ANO10: variants seen among roughly 807,000 people sequenced by gnomAD.
ANO10 encodes anoctamin-10.
Under a neutral mutation model 74.7 loss-of-function variants are expected in ANO10, and 77 were observed. The ratio of observed to expected loss-of-function variants is 1.03; its 90% CI spans 0.86 to 1.25. The LOEUF (loss-of-function observed/expected upper bound fraction) is 1.25. Ranked by LOEUF, ANO10 falls within the 50% of genes most tolerant of loss-of-function variation. The pLI, the probability that ANO10 is intolerant of heterozygous loss-of-function variation, is 0.00. For missense variants in ANO10, 721 were observed against 778.1 expected, an observed-to-expected ratio of 0.93 and a Z score of 0.87; for synonymous variants, 279 against 284.9, an observed-to-expected ratio of 0.98 and a Z score of 0.21.
At chr3:43,379,480 A>G (rs2091900351) in intron 12 of ANO10, among the ~76,000 whole-genome samples, 1 of 152,214 alleles carries the variant, frequency 6.6e-6, no homozygotes, top group Non-Finnish European at 1.5e-5. Flanking sequence ...TCCAAGAACT[A>G]CTGCAGGAAC....
chr3:43,390,636 C>T (rs909376829), intron 12 of ANO10, among the ~76,000 whole-genome samples: 7 of 152,160 alleles, frequency 4.6e-5, no homozygotes, highest in Non-Finnish European at 7.3e-5. Flanking sequence ...TGTTGGTCTC[C>T]CCATATCTGA....
chr3:43,495,732 ACT>A (rs1003336765), intron 11 of ANO10, among the ~76,000 whole-genome samples: 18 of 151,702 alleles, frequency 1.2e-4, no homozygotes, highest in African/African-American at 4.4e-4. Context: ...ATGGAGTCTC[ACT>A]CTGTCCCCCA....
chr3:43,370,762 A>G (rs562804750), intron 12 of ANO10, among the ~76,000 whole-genome samples: 1 of 152,268 alleles, frequency 6.6e-6, no homozygotes, highest in African/African-American at 2.4e-5. Context: ...TTTAAAAAGC[A>G]CTGACTAATT....
chr3:43,681,374 G>C (rs1171740998), intron 1 of ANO10, among the ~76,000 whole-genome samples: 1 of 152,078 alleles, frequency 6.6e-6, no homozygotes, highest in Non-Finnish European at 1.5e-5. Flanking sequence ...AACAAGAAGA[G>C]CTAACTATCC....
At chr3:43,489,401 T>A (rs1185558874) in intron 11 of ANO10, among the ~76,000 whole-genome samples, 1 of 152,122 alleles carries the variant, frequency 6.6e-6, no homozygotes, top group Non-Finnish European at 1.5e-5. Context: ...AACCTTAAGG[T>A]GGTATATAAG....
chr3:43,488,346 G>A (rs1403543335), intron 11 of ANO10, among the ~76,000 whole-genome samples: 1 of 150,556 alleles, frequency 6.6e-6, no homozygotes, highest in Non-Finnish European at 1.5e-5. Context: ...AAGAGCTTCT[G>A]CACAGCAAAA....
At chr3:43,637,356 C>T (rs1258268117) in intron 1 of ANO10, among the ~76,000 whole-genome samples, 8 of 151,780 alleles carry the variant, frequency 5.3e-5, no homozygotes, top group Non-Finnish European at 1.5e-5. Context: ...TAATCCCAGC[C>T]ACTCGGGAGA....
intron 12 of ANO10, among the ~76,000 whole-genome samples, chr3:43,407,461 G>A (rs1465407448): frequency 2.0e-5 from 3 of 152,198 alleles, no homozygotes; most frequent in African/African-American, 7.2e-5. Flanking sequence ...CTGACTCCCA[G>A]GGACAGGCAA....
intron 1 of ANO10, among the ~76,000 whole-genome samples, chr3:43,609,723 G>T (rs1405303867): frequency 6.6e-6 from 1 of 152,176 alleles, no homozygotes; most frequent in East Asian, 1.9e-4. Context: ...AACCTATACA[G>T]CATGTTACTG....
At chr3:43,484,845 G>A (rs1044097604) in intron 11 of ANO10, 1 of 535,022 alleles carries the variant, frequency 1.9e-6, no homozygotes, top group Non-Finnish European at 3.3e-6. Context: ...TTACATCATG[G>A]AGGCGGGGCT....
At chr3:43,646,286 C>T (rs909829432) in intron 1 of ANO10, among the ~76,000 whole-genome samples, 9 of 152,310 alleles carry the variant, frequency 5.9e-5, no homozygotes, top group African/African-American at 1.7e-4. Context: ...TCCCATGCTT[C>T]TAAGAGGGGA....
intron 1 of ANO10, among the ~76,000 whole-genome samples, chr3:43,639,384 C>T (rs776746044): frequency 6.6e-6 from 1 of 152,334 alleles, no homozygotes; most frequent in Non-Finnish European, 1.5e-5. Context: ...TAGGTGTTTA[C>T]AGTGCATTTC....
At chr3:43,626,983 G>A (rs2083498656), upstream of ANO10, among the ~76,000 whole-genome samples, 3 of 119,770 alleles carry the variant, frequency 2.5e-5, no homozygotes, top group South Asian at 8.5e-4. Context: ...AGCAGCCATT[G>A]AAGACTCACT....
upstream of ANO10, among the ~76,000 whole-genome samples, chr3:43,626,019 C>T (rs1018488236): frequency 8.6e-5 from 13 of 151,900 alleles, no homozygotes; most frequent in East Asian, 7.8e-4. Flanking sequence ...CTGCAACTTC[C>T]GCCTCACGGG....
intron 11 of ANO10, among the ~76,000 whole-genome samples, chr3:43,470,814 G>A (rs1467200740): frequency 1.3e-5 from 2 of 151,820 alleles, no homozygotes; most frequent in African/African-American, 4.8e-5. Context: ...TTTTTATAGA[G>A]AGTGGTTTTT....
At chr3:43,428,816 A>AAAAAAAAAAAAAAAAT (rs2092938210) in intron 12 of ANO10, among the ~76,000 whole-genome samples, 1 of 150,930 alleles carries the variant, frequency 6.6e-6, no homozygotes, top group Non-Finnish European at 1.5e-5. Context: ...AAAAAAAAAA[A>AAAAAAAAAAAAAAAAT]AAGTCATTGA....
intron 11 of ANO10, among the ~76,000 whole-genome samples, chr3:43,436,490 G>T (rs2093069111): frequency 6.6e-6 from 1 of 152,110 alleles, no homozygotes. Context: ...AAGGTGGGGG[G>T]AGGGTAGGGT....
chr3:43,687,233 C>A (rs2084287311), intron 1 of ANO10, among the ~76,000 whole-genome samples: 1 of 152,222 alleles, frequency 6.6e-6, no homozygotes, highest in Admixed American at 6.5e-5. Flanking sequence ...TTGAGACCGG[C>A]CTGGGCAACA....
At chr3:43,550,050 CT>C (rs1372723977) in intron 10 of ANO10, among the ~76,000 whole-genome samples, 1 of 152,032 alleles carries the variant, frequency 6.6e-6, no homozygotes, top group Non-Finnish European at 1.5e-5. Context: ...ATTTTAGATA[CT>C]TTTGGCATGA....
Sources: allele counts gnomAD v4.1 joint callset (sites outside exome capture counted in the v4.1 genomes callset), GRCh38; gene constraint gnomAD v4.1.1; transcripts MANE v1.5; gene names NCBI Gene and HGNC (gene_info 2026-07-23, HGNC 2026-07-21).